PCDHGB4: variants seen among roughly 807,000 people sequenced by gnomAD.
The protein encoded by PCDHGB4 is protocadherin gamma-B4.
PCDHGB4 carries 38 observed loss-of-function variants against 60.5 expected under a neutral mutation model. The observed-to-expected ratio is 0.63, with a 90% CI of 0.48 to 0.82. The LOEUF (loss-of-function observed/expected upper bound fraction) is 0.82. Among genes scored for constraint, PCDHGB4 ranks in the 40% least tolerant of loss-of-function variants. PCDHGB4 has a pLI of 0.00. For synonymous variants in PCDHGB4, 456 were observed against 509.7 expected (o/e 0.89, Z 1.42); for missense variants, 1,109 against 1,209.6 (o/e 0.92, Z 1.23).
intron 3 of PCDHGB4, among the ~76,000 whole-genome samples, chr5:141,510,092 T>C (rs973542449): frequency 6.6e-6 from 1 of 152,138 alleles, no homozygotes; most frequent in South Asian, 2.1e-4. Flanking sequence ...TGGCACACAG[T>C]AGGTGCTCAA....
intron 1 of PCDHGB4, among the ~76,000 whole-genome samples, chr5:141,424,906 A>T (rs1417615946): frequency 5.9e-5 from 9 of 152,212 alleles, no homozygotes. Context: ...GATCACAGGA[A>T]TCATTTCCAT....
chr5:141,433,194 A>G (rs1170543558), intron 1 of PCDHGB4: 18 of 1,585,754 alleles, frequency 1.1e-5, no homozygotes, highest in Non-Finnish European at 1.5e-5. Context: ...GTGAGTTTAT[A>G]TCAAATCTTC....
intron 1 of PCDHGB4, among the ~76,000 whole-genome samples, chr5:141,435,500 A>G (rs896915416): frequency 6.6e-6 from 1 of 152,176 alleles, no homozygotes; most frequent in African/African-American, 2.4e-5. Context: ...TCCTACACTA[A>G]TGATACTAAT....
chr5:141,392,013 G>A (rs980520094), intron 1 of PCDHGB4: 1 of 152,108 alleles, frequency 6.6e-6, no homozygotes, highest in African/African-American at 2.4e-5. Context: ...AATGGTAAAA[G>A]CATTTATCCT....
chr5:141,388,382 A>T lies in PCDHGB4; in HGVS notation c.498A>T (p.Thr166=). Residue 166 remains threonine, a synonymous_variant, in exon 1 of 4, where the codon ACA becomes ACT. Transcript: ENST00000519479. ...ATGATGCGGATATTGGTAGCAACAC[A>T]CTGCAGAATTACCAACTCAGTCCCA... ...SAHDADIGSN[T]LQNYQLSPSD... The T allele has an allele frequency of 6.2e-7, 1 of 1,614,018 alleles. No individual in the cohort carries two copies. The highest frequency in any genetic ancestry group is 8.5e-7 in the Non-Finnish European group (1 of 1,179,896).
At position 141,477,379 on chromosome 5, in the gene PCDHGB4, A is replaced by T; in HGVS notation, c.2398-17428A>T. Reference sequence around the variant, plus strand: ...CAGACCTGGATCGGGAGACTGTGCCAGAATACAACCTCAGCATCACCGCCC... The same window carrying T: ...CAGACCTGGATCGGGAGACTGTGCCTGAATACAACCTCAGCATCACCGCCC... On this transcript the variant is annotated intron_variant, in intron 1 of 3. Transcript: ENST00000519479. The surrounding 1 kb of genome is among the most constrained non-coding windows in gnomAD (Gnocchi z 4.9). 1.2e-6 allele frequency: 2 copies of T among 1,614,184 alleles called. No individual in the cohort carries two copies. The highest frequency in any genetic ancestry group is 1.7e-6 in the Non-Finnish European group (2 of 1,180,034).
intron 1 of PCDHGB4, chr5:141,422,988 C>T: frequency 6.2e-7 from 1 of 1,614,232 alleles, no homozygotes; most frequent in Non-Finnish European, 8.5e-7. Context: ...AACCTGGCTA[C>T]CTGGTGACCA....
At chr5:141,423,642 T>C (rs1293550754) in intron 1 of PCDHGB4, 2 of 1,596,770 alleles carry the variant, frequency 1.3e-6, no homozygotes, top group African/African-American at 2.7e-5. Flanking sequence ...TAGGCAAATG[T>C]GACCCGACAA....
intron 1 of PCDHGB4, among the ~76,000 whole-genome samples, chr5:141,463,088 C>T (rs768488458): frequency 6.6e-6 from 1 of 152,108 alleles, no homozygotes; most frequent in Non-Finnish European, 1.5e-5. Flanking sequence ...ATTTTCCAGC[C>T]CTATGTGACC....
intron 1 of PCDHGB4, chr5:141,424,572 T>C (rs1272121500): frequency 6.6e-6 from 1 of 152,238 alleles, no homozygotes; most frequent in East Asian, 1.9e-4. Context: ...CAAAAACCTA[T>C]TTTCAAATGT....
At chr5:141,475,329 A>G (rs1229101617) in intron 1 of PCDHGB4, among the ~76,000 whole-genome samples, 1 of 152,266 alleles carries the variant, frequency 6.6e-6, no homozygotes, top group Non-Finnish European at 1.5e-5. Context: ...AATGAGAGCT[A>G]ACAATGACAT....
chr5:141,420,255 A>G lies in PCDHGB4; in HGVS notation c.2397+29974A>G, dbSNP rs917458059. The G allele has an allele frequency of 7.6e-6, 12 of 1,569,630 alleles. No homozygotes were observed. Among genetic ancestry groups the G allele is most frequent in the African/African-American group, 1.4e-5 (1 of 73,152 alleles). ...ATTTTAACTCCCAGCGTTGAAGCAG[A>G]TAAGAAGATTCTTAAACAGGTAAGT... is the stretch of plus-strand genomic sequence containing the variant. On this transcript the variant is annotated intron_variant, in intron 1 of 3. Coordinates refer to ENST00000519479, the MANE Select transcript of PCDHGB4 (RefSeq NM_003736.4).
chr5:141,433,313 C>T (rs2097582516), intron 1 of PCDHGB4: 5 of 866,388 alleles, frequency 5.8e-6, no homozygotes, highest in Admixed American at 2.8e-5. Context: ...CCCACCTTTG[C>T]CTCCGGTGTA....
At position 141,389,577 on chromosome 5, in the gene PCDHGB4, C is replaced by A; in HGVS notation, c.1693C>A (p.Leu565Met). Residue 565 changes from leucine to methionine, a missense_variant, in exon 1 of 4, where the codon CTG becomes ATG. Around this residue, in one of 2 missense-constraint regions of PCDHGB4, gnomAD observed 1,068 missense variants for 1,089.9 expected, o/e 0.98. Transcript: ENST00000519479. ...DNAPRVLYPA[L>M]GPDGSALFDM... ...TGCGCCACGGGTGCTGTACCCCGCG[C>A]TGGGTCCCGACGGCTCTGCGCTCTT... 1 of 1,613,244 alleles carries A rather than the reference C, an allele frequency of 6.2e-7. No individual in the cohort carries two copies.
intron 2 of PCDHGB4, among the ~76,000 whole-genome samples, chr5:141,498,260 A>C (rs1044675509): frequency 6.6e-6 from 1 of 152,140 alleles, no homozygotes; most frequent in Non-Finnish European, 1.5e-5. Flanking sequence ...GCTGGTGTTG[A>C]GTTCTTCAGT....
chr5:141,404,973 A>T, intron 1 of PCDHGB4: 1 of 1,613,952 alleles, frequency 6.2e-7, no homozygotes, highest in South Asian at 1.1e-5. Flanking sequence ...ATCCTGGCTG[A>T]CCTGGGCAGT....
rs770354956 is a variant in PCDHGB4, at chr5:141,399,731, C to T, written c.2397+9450C>T. Reference sequence around the variant, plus strand: ...ACACTACAGGCCCGCGACCAGGGCTCGCCTGCGCTCAGCGCAAACGTGAGC... The same window carrying T: ...ACACTACAGGCCCGCGACCAGGGCTTGCCTGCGCTCAGCGCAAACGTGAGC... On this transcript the variant is annotated intron_variant, in intron 1 of 3. Transcript: ENST00000519479. 229 of 1,613,292 alleles carry T rather than the reference C, an allele frequency of 1.4e-4. No homozygotes were observed. The highest frequency in any genetic ancestry group is 1.8e-4 in the Non-Finnish European group (217 of 1,179,878).
intron 1 of PCDHGB4, chr5:141,421,959 A>T: frequency 6.2e-7 from 1 of 1,612,798 alleles, no homozygotes; most frequent in Non-Finnish European, 8.5e-7. Flanking sequence ...CAATGTTTAC[A>T]CAGTCCGTAT....
At chr5:141,446,231 C>T (rs1412899811) in intron 1 of PCDHGB4, among the ~76,000 whole-genome samples, 2 of 152,176 alleles carry the variant, frequency 1.3e-5, no homozygotes, top group African/African-American at 2.4e-5. Flanking sequence ...TGTTGCCTGG[C>T]AAGTGGTAGA....
Sources: allele counts gnomAD v4.1 joint callset (sites outside exome capture counted in the v4.1 genomes callset), GRCh38; gene constraint gnomAD v4.1.1; regional missense constraint gnomAD v4.1.1; non-coding constraint Gnocchi (gnomAD v3.1); transcripts MANE v1.5; gene names NCBI Gene and HGNC (gene_info 2026-07-23, HGNC 2026-07-21).